COL6A6: variants seen among roughly 807,000 people sequenced by gnomAD.
COL6A6 encodes the protein collagen type VI alpha 6 chain, also known as collagen alpha-6(VI) chain.
COL6A6 carries 183 observed loss-of-function variants against 208.6 expected under a neutral mutation model. The ratio of observed to expected loss-of-function variants is 0.88; its 90% CI spans 0.78 to 0.99. The LOEUF is 0.99. COL6A6 is among the 50% of genes least tolerant of loss of function. The pLI, the probability that COL6A6 is intolerant of heterozygous loss-of-function variation, is 0.00. For missense variants in COL6A6, 2,816 were observed against 2,815.2 expected (o/e 1.00, Z -0.01); for synonymous variants, 973 against 1,011.8 (o/e 0.96, Z 0.73).
chr3:130,614,378 T>G (rs2064449122), intron 23 of COL6A6, among the ~76,000 whole-genome samples: 1 of 152,162 alleles, frequency 6.6e-6, no homozygotes, highest in African/African-American at 2.4e-5. Context: ...TGTGGTGAAT[T>G]AGCTTTTTGA....
At chr3:130,596,055 T>C (rs1031979612) in intron 18 of COL6A6, among the ~76,000 whole-genome samples, 1 of 152,198 alleles carries the variant, frequency 6.6e-6, no homozygotes, top group Non-Finnish European at 1.5e-5. Context: ...ACCTCTTGTA[T>C]ACAATGGGTT....
At chr3:130,634,312 A>G (rs938866195) in intron 26 of COL6A6, among the ~76,000 whole-genome samples, 1 of 151,210 alleles carries the variant, frequency 6.6e-6, no homozygotes, top group Admixed American at 6.6e-5. Flanking sequence ...ATGCGGTTAT[A>G]TGCATACAAA....
At chr3:130,589,807 A>G (rs2063630194) in intron 12 of COL6A6, among the ~76,000 whole-genome samples, 6 of 152,222 alleles carry the variant, frequency 3.9e-5, no homozygotes, top group Admixed American at 3.9e-4. Flanking sequence ...ATGTTTAAAT[A>G]CATATAAACA....
intron 6 of COL6A6, among the ~76,000 whole-genome samples, chr3:130,569,794 G>C (rs969596034): frequency 2.0e-4 from 31 of 152,198 alleles, no homozygotes; most frequent in African/African-American, 7.5e-4. Flanking sequence ...AGTACAGCCA[G>C]CCTTTCTTGG....
Position 130,563,657 on chromosome 3 carries a change from T to C in COL6A6, c.654T>C (p.Phe218=), listed in dbSNP as rs141494444. 1,067 of 1,602,432 alleles carry C rather than the reference T, an allele frequency of 6.7e-4. 8 individuals carry two copies. In the South Asian group the frequency reaches 8.0e-3, roughly 12 times the overall value. ...AGGAGGGAGCAGTTGATGACATCTT[T>C]GTAGAAGGTGGGCTTAGGATATGTG... ...KYKEGAVDDI[F]VEACQGPSMA... Residue 218 remains phenylalanine (F), a synonymous_variant, in exon 3 of 37, where the codon TTT becomes TTC. Transcript: ENST00000358511.
rs371268873 is a variant in COL6A6, at chr3:130,566,892, T to C, written c.1473T>C (p.Asn491=). 2 of 1,613,930 alleles carry C rather than the reference T, an allele frequency of 1.2e-6. No individual in the cohort carries two copies. The stretch of plus-strand genomic sequence containing the variant: ...GCTGGGACTTGGAATTTGAGATCAA[T>C]AAATACTCCAACAAGCAGGATTTGG... ...ADSWDLEFEI[N]KYSNKQDLGK... is the part of the protein sequence containing the mutation. Residue 491 remains asparagine (N), a synonymous_variant, in exon 5 of 37, where the codon AAT becomes AAC. Coordinates refer to ENST00000358511, the MANE Select transcript of COL6A6 (RefSeq NM_001102608.3).
intron 27 of COL6A6, 100 bp from the exon 28 acceptor site, chr3:130,635,599 G>GA (rs1373589390): frequency 7.5e-6 from 6 of 797,812 alleles, no homozygotes; most frequent in Non-Finnish European, 1.2e-5. Flanking sequence ...AAATGCATAC[G>GA]AAAAATGTCT....
intron 32 of COL6A6, among the ~76,000 whole-genome samples, chr3:130,645,286 A>C (rs932920321): frequency 3.3e-5 from 5 of 152,144 alleles, no homozygotes; most frequent in African/African-American, 1.2e-4. Flanking sequence ...CCTTGCTTTT[A>C]AAGGTTTTAA....
At chr3:130,635,257 G>T (rs541358942) in intron 27 of COL6A6, among the ~76,000 whole-genome samples, 1 of 152,084 alleles carries the variant, frequency 6.6e-6, no homozygotes, top group Non-Finnish European at 1.5e-5. Flanking sequence ...AAAGTAGAAA[G>T]AAAAGTGTAA....
In COL6A6 at chr3:130,574,323, A is replaced by G. The variant is rs200954449; in HGVS notation, c.3345A>G (p.Gln1115=). 857 of 1,613,930 alleles carry G rather than the reference A, an allele frequency of 5.3e-4. 10 individuals are homozygous for G. The highest frequency in any genetic ancestry group is 7.2e-5 in the Non-Finnish European group (85 of 1,179,920). The change falls in exon 8 of 37, where the codon CAA becomes CAG. Residue 1115 remains glutamine, a synonymous_variant. Transcript: ENST00000358511. The part of the protein sequence containing the change: ...VLLVLTDGQS[Q]DEVAQAAEAL... Reference sequence around the variant, plus strand: ...TGGTCCTTACAGATGGCCAGTCCCAAGACGAGGTGGCCCAGGCCGCGGAAG... The same window carrying G: ...TGGTCCTTACAGATGGCCAGTCCCAGGACGAGGTGGCCCAGGCCGCGGAAG...
Position 130,582,076 on chromosome 3 carries a change from G to A in COL6A6, c.3970+8G>A, listed in dbSNP as rs759326062. On this transcript the variant is annotated splice_region_variant and intron_variant, in intron 10 of 36. Coordinates refer to ENST00000358511, the MANE Select transcript of COL6A6 (RefSeq NM_001102608.3). ...ATGAACTTAGAAAAGAAGGTACTGA[G>A]TATGGAGAAGTGGGAAGGGAGTGCT... 6.5e-7 allele frequency: 1 copy of A among 1,531,864 alleles called. No homozygotes were observed. Among genetic ancestry groups the A allele is most frequent in the East Asian group, 2.3e-5 (1 of 43,906 alleles). 94.9% of individuals were successfully genotyped at this position (1,531,864 alleles called of 1,614,324 possible).
In COL6A6 at chr3:130,566,615, G is replaced by A. The variant is rs1216570572; in HGVS notation, c.1283-87G>A. ...GTTTCCCATTTTTCTGTCTGAAGAG[G>A]TTCATATTTGTTCTTCTTTCCATGT... On this transcript the variant is annotated intron_variant, in intron 4 of 36. Transcript: ENST00000358511. 2.0e-5 allele frequency: 22 copies of A among 1,107,388 alleles called. No individual in the cohort carries two copies. In the East Asian group the frequency reaches 4.9e-4, roughly 25 times the overall value. The allele number at this position is 1,107,388 out of a possible 1,614,324, so 68.6% of individuals were successfully genotyped here.
In COL6A6 at chr3:130,628,579, A is replaced by G. The variant is rs549665566; in HGVS notation, c.4992+1210A>G. ...AAATGAGCTTTATTTTAAATTAATT[A>G]TATACTTTTTTATCCAGTAGGGATT... On this transcript the variant is annotated intron_variant, in intron 26 of 36. Transcript: ENST00000358511. 6.8e-4 allele frequency among the ~76,000 whole-genome samples: 104 copies of G among 152,182 alleles called. 1 individual carries two copies. Among genetic ancestry groups the G allele is most frequent in the Admixed American group, 6.7e-3 (102 of 15,276 alleles).
chr3:130,558,232 C>T (rs1350555009), intron 1 of COL6A6, among the ~76,000 whole-genome samples: 2 of 152,176 alleles, frequency 1.3e-5, no homozygotes, highest in African/African-American at 4.8e-5. Flanking sequence ...GGCACTTCAT[C>T]TGTGTTTTGA....
intron 29 of COL6A6, 108 bp from the exon 30 acceptor site, chr3:130,642,724 G>A: frequency 1.1e-6 from 1 of 938,036 alleles, no homozygotes; most frequent in Non-Finnish European, 1.6e-6. Flanking sequence ...AATTTAATGA[G>A]AATAAAACTT....
At chr3:130,553,033 C>T (rs919907162) in intron 1 of COL6A6, among the ~76,000 whole-genome samples, 5 of 152,116 alleles carry the variant, frequency 3.3e-5, no homozygotes, top group African/African-American at 9.7e-5. Context: ...TGGTGGGTTC[C>T]CTTTGTACAT....
chr3:130,621,671 G>A (rs2064719840), intron 23 of COL6A6, 150 bp from the exon 24 acceptor site: 2 of 564,530 alleles, frequency 3.5e-6, no homozygotes, highest in Non-Finnish European at 3.2e-6. Context: ...GTCTTTATTT[G>A]ATGGTGGCAA....
intron 18 of COL6A6, among the ~76,000 whole-genome samples, chr3:130,595,643 A>C (rs1015436198): frequency 7.2e-5 from 11 of 152,168 alleles, no homozygotes; most frequent in Non-Finnish European, 8.8e-5. Context: ...TAGTTCATTC[A>C]ATTTCGTGGC....
chr3:130,647,569 G>T (rs1297037922), intron 32 of COL6A6, among the ~76,000 whole-genome samples: 1 of 152,142 alleles, frequency 6.6e-6, no homozygotes, highest in South Asian at 2.1e-4. Flanking sequence ...TTTGATTTGG[G>T]TTTGAACATT....
Sources: gnomAD v4.1 joint callset for allele counts (sites outside exome capture counted in the v4.1 genomes callset) on GRCh38, gnomAD v4.1.1 for gene constraint, MANE v1.5 for transcripts, NCBI Gene and HGNC (gene_info 2026-07-23, HGNC 2026-07-21) for gene names.